TMEM117: variants seen among roughly 807,000 people sequenced by gnomAD.
TMEM117 encodes transmembrane protein 117.
In TMEM117, 27 loss-of-function variants were observed where a neutral mutation model predicts 52.4. The observed-to-expected ratio is 0.51, with a 90% CI of 0.38 to 0.71. The LOEUF is 0.71. TMEM117 is among the 30% of genes least tolerant of loss of function. TMEM117 has a pLI of 0.00. For synonymous variants in TMEM117, 215 were observed against 206.3 expected, an observed-to-expected ratio of 1.04 and a Z score of -0.36; for missense variants, 556 against 630.5, an observed-to-expected ratio of 0.88 and a Z score of 1.26.
At chr12:44,340,725 T>C (rs957317834) in intron 6 of TMEM117, among the ~76,000 whole-genome samples, 5 of 152,138 alleles carry the variant, frequency 3.3e-5, no homozygotes, top group East Asian at 1.9e-4. Flanking sequence ...TCATTGATTT[T>C]GTGTTACAAG....
intron 2 of TMEM117, among the ~76,000 whole-genome samples, chr12:43,899,738 G>A (rs886124719): frequency 2.6e-5 from 4 of 152,108 alleles, no homozygotes; most frequent in African/African-American, 7.2e-5. Context: ...ACAGTGCAAA[G>A]TACTTTACAT....
At chr12:44,241,699 C>T (rs1274184125) in intron 5 of TMEM117, among the ~76,000 whole-genome samples, 1 of 151,150 alleles carries the variant, frequency 6.6e-6, no homozygotes, top group Non-Finnish European at 1.5e-5. Context: ...AGATAAGAAA[C>T]ATGCCATGAT....
chr12:44,055,548 G>T (rs1947040364), intron 3 of TMEM117, among the ~76,000 whole-genome samples: 1 of 152,178 alleles, frequency 6.6e-6, no homozygotes, highest in Non-Finnish European at 1.5e-5. Flanking sequence ...GAATACTTGA[G>T]TTCAAGTCCT....
At chr12:44,258,430 A>G (rs1950284540) in intron 5 of TMEM117, among the ~76,000 whole-genome samples, 1 of 152,004 alleles carries the variant, frequency 6.6e-6, no homozygotes, top group Non-Finnish European at 1.5e-5. Context: ...TATGGAAAAC[A>G]TTTTTTCTTC....
At chr12:43,913,849 A>C (rs1944556088) in intron 2 of TMEM117, among the ~76,000 whole-genome samples, 13 of 152,154 alleles carry the variant, frequency 8.5e-5, no homozygotes, top group Admixed American at 8.5e-4. Context: ...TTATTTTTAA[A>C]TTTATGTTTA....
At chr12:44,321,446 C>T (rs60564041) in intron 6 of TMEM117, among the ~76,000 whole-genome samples, 1 of 152,144 alleles carries the variant, frequency 6.6e-6, no homozygotes, top group Non-Finnish European at 1.5e-5. Flanking sequence ...TAGGAAAATT[C>T]TGAATGCAAA....
At chr12:44,189,059 T>G (rs1949317699) in intron 4 of TMEM117, among the ~76,000 whole-genome samples, 1 of 152,168 alleles carries the variant, frequency 6.6e-6, no homozygotes, top group African/African-American at 2.4e-5. Flanking sequence ...CTTTTCTTTA[T>G]GCTAGGAATA....
At chr12:43,893,248 A>T (rs1944139751) in intron 2 of TMEM117, among the ~76,000 whole-genome samples, 1 of 152,216 alleles carries the variant, frequency 6.6e-6, no homozygotes. Context: ...TTGCTGTGTC[A>T]AAAACGAACT....
chr12:44,383,985 T>A (rs1952055284), intron 7 of TMEM117, among the ~76,000 whole-genome samples: 1 of 152,174 alleles, frequency 6.6e-6, no homozygotes. Flanking sequence ...AAAGAAACTT[T>A]TAGGGCTGGG....
intron 6 of TMEM117, among the ~76,000 whole-genome samples, chr12:44,328,103 C>A (rs978515017): frequency 6.6e-6 from 1 of 152,126 alleles, no homozygotes; most frequent in Admixed American, 6.6e-5. Context: ...ATCAAAAACC[C>A]TAGCTTTTTC....
At chr12:43,957,048 C>G (rs763901750) in intron 3 of TMEM117, among the ~76,000 whole-genome samples, 6 of 152,092 alleles carry the variant, frequency 3.9e-5, no homozygotes, top group Non-Finnish European at 7.3e-5. Context: ...CAAACTAATG[C>G]AGGAACAGAA....
chr12:44,134,439 T>C (rs1948460269), intron 3 of TMEM117, among the ~76,000 whole-genome samples: 1 of 152,152 alleles, frequency 6.6e-6, no homozygotes, highest in Non-Finnish European at 1.5e-5. Context: ...AACAGATTGG[T>C]CTTAACTGGA....
At chr12:44,227,582 G>C (rs1176936618) in intron 5 of TMEM117, among the ~76,000 whole-genome samples, 1 of 152,046 alleles carries the variant, frequency 6.6e-6, no homozygotes, top group Non-Finnish European at 1.5e-5. Flanking sequence ...CTAATCATGT[G>C]GTAAGGCAGA....
Position 44,152,324 on chromosome 12 carries a change from A to AAT in TMEM117, c.510+8709_510+8710dup, listed in dbSNP as rs1283174506. ...TATTTATATATAATCATATCATATA[A>AAT]ATATATATATTATATATAAATTTAT... On this transcript the variant is annotated intron_variant, in intron 4 of 7. Transcript: ENST00000266534. Among the ~76,000 whole-genome samples, 9 of 112,104 alleles carry AAT rather than the reference A, an allele frequency of 8.0e-5. No individual in the cohort carries two copies. In the Admixed American group the frequency reaches 8.0e-4, roughly 10 times the overall value. 73.5% of individuals were successfully genotyped at this position (112,104 alleles called of 152,430 possible).
intron 3 of TMEM117, among the ~76,000 whole-genome samples, chr12:43,968,718 C>T: frequency 6.6e-6 from 1 of 152,064 alleles, no homozygotes; most frequent in East Asian, 1.9e-4. Context: ...AAAAAAATCT[C>T]TTTAGCACAA....
chr12:43,913,547 C>T (rs1345445502), intron 2 of TMEM117, among the ~76,000 whole-genome samples: 1 of 152,138 alleles, frequency 6.6e-6, no homozygotes, highest in African/African-American at 2.4e-5. Context: ...TGAGTGACAT[C>T]CCAGAGAAAC....
intron 3 of TMEM117, 56 bp from the exon 4 acceptor site, chr12:44,143,469 C>A: frequency 7.3e-7 from 1 of 1,372,108 alleles, no homozygotes; most frequent in Non-Finnish European, 1.0e-6. Flanking sequence ...AACCAGAAAG[C>A]CTTAACTGTA....
chr12:44,328,378 A>G (rs1166166518), intron 6 of TMEM117, among the ~76,000 whole-genome samples: 2 of 152,196 alleles, frequency 1.3e-5, no homozygotes, highest in Non-Finnish European at 2.9e-5. Flanking sequence ...GATAAAAACT[A>G]TTAAGAATTT....
intron 7 of TMEM117, among the ~76,000 whole-genome samples, chr12:44,377,398 T>C (rs557224889): frequency 4.0e-4 from 61 of 152,284 alleles, no homozygotes; most frequent in African/African-American, 1.4e-3. Flanking sequence ...CACTTCTCAT[T>C]TGATTTTCTG....
Sources: gnomAD v4.1 joint callset for allele counts (sites outside exome capture counted in the v4.1 genomes callset) on GRCh38, gnomAD v4.1.1 for gene constraint, MANE v1.5 for transcripts, NCBI Gene and HGNC (gene_info 2026-07-23, HGNC 2026-07-21) for gene names.